ABCA4: variants seen among roughly 807,000 people sequenced by gnomAD.
ABCA4 encodes the protein retinal-specific phospholipid-transporting ATPase ABCA4.
In ABCA4, 196 loss-of-function variants were observed where a neutral mutation model predicts 263.7. The ratio of observed to expected loss-of-function variants is 0.74; its 90% CI spans 0.66 to 0.84. ABCA4 has a LOEUF of 0.84. ABCA4 is among the 40% of genes least tolerant of loss of function. The probability of loss-of-function intolerance (pLI) is 0.00; values close to 1 mark genes in which losing one functional copy is unlikely to be tolerated. For missense variants in ABCA4, 2,792 were observed against 2,855.1 expected, an observed-to-expected ratio of 0.98 and a Z score of 0.50; for synonymous variants, 1,133 against 1,094.2, an observed-to-expected ratio of 1.04 and a Z score of -0.70.
chr1:94,038,357 C>T (rs1330723310), intron 24 of ABCA4, among the ~76,000 whole-genome samples: 1 of 152,198 alleles, frequency 6.6e-6, no homozygotes, highest in Non-Finnish European at 1.5e-5. Context: ...CGCACATTGT[C>T]TTGAGAGGCA....
At chr1:94,011,056 T>A in intron 39 of ABCA4, 127 bp from the exon 40 acceptor site, 1 of 1,566,486 alleles carries the variant, frequency 6.4e-7, no homozygotes, top group Non-Finnish European at 8.7e-7. Context: ...ACCCGCCTCA[T>A]AAGGGCTGCC....
chr1:94,046,110 C>A, intron 19 of ABCA4: 1 of 364,242 alleles, frequency 2.7e-6, no homozygotes, highest in South Asian at 2.0e-5. Context: ...ATGTTGAAGC[C>A]TGCCTAATGA....
rs1219526989 is a variant in ABCA4, at chr1:94,044,620, A to T, written c.3043T>A (p.Phe1015Ile). The change falls in exon 20 of 50, where the codon TTC (phenylalanine) becomes ATC (isoleucine). Residue 1015 changes from phenylalanine (F) to isoleucine (I), a missense_variant. By Grantham distance (21) the Phe-to-Ile change is conservative (BLOSUM62 0). Coordinates refer to ENST00000370225, the MANE Select transcript of ABCA4 (RefSeq NM_000350.3). ...LGMCPQHNIL[F>I]HHLTVAEHML... is the part of the protein sequence containing the mutation. ...AGTTCCTGTGTCGCTTACTGGTGGA[A>T]CAGGATGTTGTGCTGTGGACACATG... The T allele has an allele frequency of 3.1e-6, 5 of 1,614,166 alleles. No individual in the cohort carries two copies. Among genetic ancestry groups the T allele is most frequent in the Middle Eastern group, 1.6e-4 (1 of 6,062 alleles).
rs1658995066 is a variant in ABCA4, at chr1:93,996,190, A to G, written c.6735T>C (p.Phe2245=). 4 of 1,612,656 alleles carry G rather than the reference A, an allele frequency of 2.5e-6. No individual in the cohort carries two copies. Among genetic ancestry groups the G allele is most frequent in the Non-Finnish European group, 3.4e-6 (4 of 1,179,010 alleles). The change falls in exon 49 of 50, where the codon TTT becomes TTC. Residue 2245 remains phenylalanine (F), a synonymous_variant. Coordinates refer to ENST00000370225, the MANE Select transcript of ABCA4 (RefSeq NM_000350.3). ...SVTQTTLDQV[F]VNFAKQQTES... is the part of the protein sequence containing the mutation. ...CAGTCTGCTGTTTAGCAAAATTTAC[A>G]AACACCTAGAGGTAAGAGAAGAGCG...
At chr1:94,061,673 C>T (rs1661133178) in intron 13 of ABCA4, among the ~76,000 whole-genome samples, 1 of 152,212 alleles carries the variant, frequency 6.6e-6, no homozygotes. Context: ...CTCACTTCCC[C>T]ACCAGCCACT....
intron 6 of ABCA4, among the ~76,000 whole-genome samples, chr1:94,091,015 G>A (rs536619287): frequency 6.6e-6 from 1 of 152,274 alleles, no homozygotes; most frequent in East Asian, 1.9e-4. Context: ...AGTAAAAGGG[G>A]AGGGCCCAGG....
chr1:94,119,350 T>C (rs1662884441), intron 1 of ABCA4, among the ~76,000 whole-genome samples: 4 of 152,178 alleles, frequency 2.6e-5, no homozygotes, highest in African/African-American at 9.7e-5. Context: ...AAGTCAGGTT[T>C]AACTTGTCTC....
At chr1:94,038,349 C>T (rs1660399979) in intron 24 of ABCA4, among the ~76,000 whole-genome samples, 1 of 152,194 alleles carries the variant, frequency 6.6e-6, no homozygotes, top group Admixed American at 6.5e-5. Context: ...AGTTCTCTCG[C>T]ACATTGTCTT....
chr1:94,014,764 G>T, intron 37 of ABCA4, 74 bp from the exon 38 acceptor site: 1 of 1,580,464 alleles, frequency 6.3e-7, no homozygotes, highest in Non-Finnish European at 8.7e-7. Context: ...TGGATATAAT[G>T]CACTCCCCTT....
chr1:94,005,816 T>TA (rs1489728623), intron 43 of ABCA4, among the ~76,000 whole-genome samples: 1 of 152,228 alleles, frequency 6.6e-6, no homozygotes, highest in African/African-American at 2.4e-5. Flanking sequence ...GAATCCCTGT[T>TA]ACGCCAAAAG....
intron 1 of ABCA4, among the ~76,000 whole-genome samples, chr1:94,113,901 C>A (rs911413287): frequency 6.6e-6 from 1 of 152,146 alleles, no homozygotes; most frequent in South Asian, 2.1e-4. Context: ...CTGTGGCAGT[C>A]CACACCCTGT....
intron 5 of ABCA4, among the ~76,000 whole-genome samples, chr1:94,100,315 A>T (rs1230928809): frequency 6.6e-6 from 1 of 152,226 alleles, no homozygotes; most frequent in Non-Finnish European, 1.5e-5. Flanking sequence ...ACTATGTGTC[A>T]GGCGCCCTTC....
intron 1 of ABCA4, among the ~76,000 whole-genome samples, chr1:94,118,790 C>T (rs933798459): frequency 6.6e-6 from 1 of 152,204 alleles, no homozygotes; most frequent in Non-Finnish European, 1.5e-5. Context: ...GAGCAGGAGT[C>T]GCCCACCCAT....
intron 11 of ABCA4, among the ~76,000 whole-genome samples, chr1:94,071,111 A>C (rs1661386765): frequency 6.6e-6 from 1 of 152,192 alleles, no homozygotes; most frequent in Non-Finnish European, 1.5e-5. Context: ...GGATTTGTAC[A>C]ATCTGTTTCT....
intron 40 of ABCA4, among the ~76,000 whole-genome samples, chr1:94,010,248 C>T (rs1659509016): frequency 6.6e-6 from 1 of 152,180 alleles, no homozygotes; most frequent in African/African-American, 2.4e-5. Flanking sequence ...CAGGAAGAGC[C>T]TGCGGAAGAA....
chr1:94,029,766 G>C lies in ABCA4; in HGVS notation c.4353-135C>G, dbSNP rs147380117. 428 of 889,692 alleles carry C rather than the reference G, an allele frequency of 4.8e-4. 1 individual carries two copies. In the African/African-American group the frequency reaches 6.5e-3, roughly 14 times the overall value. 55.1% of individuals were successfully genotyped at this position (889,692 alleles called of 1,614,324 possible). ...CTTTCTTCTTATTCTCTTGGAGGCT[G>C]GTTTCTGCTCAAGCAATATCAAAAC... On this transcript the variant is annotated intron_variant, in intron 29 of 49. Transcript: ENST00000370225.
At chr1:94,104,092 G>C (rs957794936) in intron 4 of ABCA4, among the ~76,000 whole-genome samples, 2 of 152,108 alleles carry the variant, frequency 1.3e-5, no homozygotes, top group African/African-American at 4.8e-5. Context: ...TATTATGATC[G>C]AATTAATATA....
At chr1:94,008,413 C>T in intron 41 of ABCA4, 116 bp from the exon 42 acceptor site, 1 of 1,038,510 alleles carries the variant, frequency 9.6e-7, no homozygotes, top group East Asian at 2.4e-5. Context: ...TAGGAGGTTA[C>T]ATATTGACAT....
At chr1:94,062,461 TC>T (rs749971232) in intron 13 of ABCA4, 115 bp downstream of exon 13, 11 of 1,311,866 alleles carry the variant, frequency 8.4e-6, no homozygotes, top group African/African-American at 1.5e-5. Flanking sequence ...TTGGCTCTGG[TC>T]CCTGGGGCTC....
Sources: gnomAD v4.1 joint callset for allele counts (sites outside exome capture counted in the v4.1 genomes callset) on GRCh38, gnomAD v4.1.1 for gene constraint, MANE v1.5 for transcripts, NCBI Gene and HGNC (gene_info 2026-07-23, HGNC 2026-07-21) for gene names.